Variants in CASK observed in about 807,000 individuals in gnomAD.
The protein encoded by CASK is peripheral plasma membrane protein CASK.
A neutral mutation model predicts 82.9 loss-of-function variants in CASK; 4 were observed. The observed-to-expected ratio is 0.05, with a 90% CI of 0.02 to 0.11. The LOEUF (loss-of-function observed/expected upper bound fraction) is 0.11, where lower values mean the gene tolerates loss of function less well. CASK is among the 10% of genes least tolerant of loss of function. CASK has a pLI of 1.00. For missense variants in CASK, 358 were observed against 720.9 expected (o/e 0.50, Z 5.76); for synonymous variants, 259 against 253.5 (o/e 1.02, Z -0.20).
chrX:41,727,428 T>C (rs1459103279), intron 5 of CASK: 1 of 1,211,034 alleles, frequency 8.3e-7, no homozygotes, highest in African/African-American at 1.7e-5. Flanking sequence ...CTTCATGCTA[T>C]GAGAAAATAT....
chrX:41,812,599 T>C (rs2070314730), intron 2 of CASK, among the ~76,000 whole-genome samples: 2 of 111,370 alleles, frequency 1.8e-5, no homozygotes, highest in Non-Finnish European at 3.8e-5. Flanking sequence ...CTCAAAATAA[T>C]AAGAGCTATC....
chrX:41,648,850 C>A (rs1408776928), intron 8 of CASK, among the ~76,000 whole-genome samples: 2 of 111,326 alleles, frequency 1.8e-5, no homozygotes, highest in Admixed American at 9.5e-5. Flanking sequence ...CTCCTTGTAC[C>A]TCTGGTAGAA....
chrX:41,588,274 ACT>A (rs2065688033), intron 13 of CASK: 1 of 111,266 alleles, frequency 9.0e-6, no homozygotes, highest in Non-Finnish European at 1.9e-5. Context: ...AAAACCACAT[ACT>A]CTCTCTGGGT....
intron 3 of CASK, among the ~76,000 whole-genome samples, chrX:41,776,367 A>G (rs993662154): frequency 8.9e-6 from 1 of 112,897 alleles, no homozygotes; most frequent in Non-Finnish European, 1.9e-5. Flanking sequence ...GCATATGCAG[A>G]AAAAAGACAT....
intron 11 of CASK, among the ~76,000 whole-genome samples, chrX:41,617,463 CCTT>C (rs1156744472): frequency 8.9e-6 from 1 of 112,244 alleles, no homozygotes; most frequent in Non-Finnish European, 1.9e-5. Flanking sequence ...TTCCATTTCT[CCTT>C]CATCTTTTCA....
rs1480328877 is a variant in CASK at position 41,517,834 on chromosome X, T to C, written c.*2586A>G. The stretch of plus-strand genomic sequence containing the variant: ...CAGCAGCAGCAGCAATGTACTGAAA[T>C]TACTCTGAATTCAGAAATGTAAGTA... On this transcript the variant is annotated 3_prime_UTR_variant, in exon 27 of 27. Transcript: ENST00000378163. The C allele has an allele frequency of 4.2e-6, 3 of 714,783 alleles. No homozygotes were observed. The highest frequency in any genetic ancestry group is 6.3e-6 in the Non-Finnish European group (3 of 477,691). The allele number at this position is 714,783 out of a possible 1,213,427, so 58.9% of individuals were successfully genotyped here.
At chrX:41,728,334 C>G in intron 5 of CASK, 1 of 183,529 alleles carries the variant, frequency 5.4e-6, no homozygotes, top group Non-Finnish European at 1.1e-5. Flanking sequence ...CTGTTCAGAA[C>G]ACGTTATTTC....
intron 3 of CASK, among the ~76,000 whole-genome samples, chrX:41,762,455 C>G (rs747096416): frequency 2.7e-5 from 3 of 111,678 alleles, no homozygotes; most frequent in Non-Finnish European, 5.7e-5. Flanking sequence ...GGAGTAGACA[C>G]CTACAGGTGG....
chrX:41,633,596 CT>C (rs201315802), intron 9 of CASK, among the ~76,000 whole-genome samples: 8 of 103,358 alleles, frequency 7.7e-5, no homozygotes, highest in South Asian at 4.3e-4. Flanking sequence ...CTAGAGGATT[CT>C]TTTTTTTTAT....
At chrX:41,568,651 A>G (rs2065359433) in intron 16 of CASK, among the ~76,000 whole-genome samples, 1 of 111,931 alleles carries the variant, frequency 8.9e-6, no homozygotes. Flanking sequence ...GCCTAAATCC[A>G]CATATCCAAA....
intron 16 of CASK, among the ~76,000 whole-genome samples, chrX:41,563,336 G>A (rs1278652379): frequency 4.9e-5 from 4 of 82,331 alleles, no homozygotes; most frequent in African/African-American, 1.5e-4. Context: ...CAGCCTGGCC[G>A]ATGGAGCAAG....
intron 18 of CASK, 25 bp downstream of exon 18, chrX:41,559,753 TG>T (rs1161077317): frequency 6.0e-6 from 7 of 1,172,682 alleles, no homozygotes; most frequent in Non-Finnish European, 8.1e-6. Flanking sequence ...TCAGAGCAGA[TG>T]GGGGTGGTTT....
chrX:41,888,178 G>A (rs2072082151), intron 1 of CASK, among the ~76,000 whole-genome samples: 1 of 111,260 alleles, frequency 9.0e-6, no homozygotes, highest in Non-Finnish European at 1.9e-5. Flanking sequence ...ACGCTTTCTA[G>A]TAAGAATCCC....
In CASK at chrX:41,739,414, A is replaced by G. The variant is rs149041843; in HGVS notation, c.399T>C (p.His133=). ...RQILEALRYC[H]DNNIIHRDVK... ...CATCCCTGTGAATTATGTTATTATC[A>G]TGGCAGTAGCGTAGAGCTTCCAGTA... Residue 133 remains histidine, a synonymous_variant, in exon 5 of 27, where the codon CAT becomes CAC. Transcript: ENST00000378163. 2 of 1,184,520 alleles carry G rather than the reference A, an allele frequency of 1.7e-6. No homozygotes were observed. The highest frequency in any genetic ancestry group is 3.5e-5 in the African/African-American group (2 of 56,892).
At chrX:41,667,338 A>G (rs1252665747) in intron 6 of CASK, among the ~76,000 whole-genome samples, 2 of 111,562 alleles carry the variant, frequency 1.8e-5, no homozygotes, top group Non-Finnish European at 3.8e-5. Flanking sequence ...ATATACACCA[A>G]CTTCCTAAAA....
At chrX:41,631,247 C>T (rs2066461819) in intron 9 of CASK, among the ~76,000 whole-genome samples, 1 of 110,720 alleles carries the variant, frequency 9.0e-6, no homozygotes, top group African/African-American at 3.3e-5. Flanking sequence ...CTTAAATGTA[C>T]ATAATTTTCA....
intron 5 of CASK, among the ~76,000 whole-genome samples, chrX:41,726,276 T>TA (rs1259890765): frequency 8.9e-6 from 1 of 112,519 alleles, no homozygotes; most frequent in African/African-American, 3.2e-5. Flanking sequence ...CATACATGTG[T>TA]AAACTTTTAT....
chrX:41,916,639 G>A (rs1004333181), intron 1 of CASK, among the ~76,000 whole-genome samples: 6 of 112,390 alleles, frequency 5.3e-5, no homozygotes, highest in Non-Finnish European at 7.5e-5. Context: ...GAAGCTCACA[G>A]ACTCAGCGGC....
chrX:41,841,090 T>G (rs766533325), intron 2 of CASK, among the ~76,000 whole-genome samples: 7 of 112,225 alleles, frequency 6.2e-5, no homozygotes, highest in Non-Finnish European at 1.3e-4. Flanking sequence ...CATAGGGTGC[T>G]CTAAGTTCAA....
Sources: allele counts gnomAD v4.1 joint callset (sites outside exome capture counted in the v4.1 genomes callset), GRCh38; gene constraint gnomAD v4.1.1; transcripts MANE v1.5; gene names NCBI Gene and HGNC (gene_info 2026-07-23, HGNC 2026-07-21).